ANKFN1: variants seen among roughly 807,000 people sequenced by gnomAD.
The protein encoded by ANKFN1 is ankyrin repeat and fibronectin type III domain containing 1, also known as ankyrin repeat and fibronectin type-III domain-containing protein 1.
ANKFN1 carries 74 observed loss-of-function variants against 108.7 expected under a neutral mutation model. The observed-to-expected ratio is 0.68, with a 90% CI of 0.56 to 0.83. The LOEUF is 0.83. ANKFN1 is among the 40% of genes least tolerant of loss of function. The probability of loss-of-function intolerance (pLI) is 0.00; values close to 1 mark genes in which losing one functional copy is unlikely to be tolerated. For missense variants in ANKFN1, 1,505 were observed against 1,382.3 expected, an observed-to-expected ratio of 1.09 and a Z score of -1.41; for synonymous variants, 547 against 516.2, an observed-to-expected ratio of 1.06 and a Z score of -0.81.
At chr17:56,428,814 A>G (rs2048661190) in intron 8 of ANKFN1, among the ~76,000 whole-genome samples, 1 of 152,026 alleles carries the variant, frequency 6.6e-6, no homozygotes, top group Non-Finnish European at 1.5e-5. Flanking sequence ...GATGAGGTGA[A>G]AAAGATGCTG....
intron 3 of ANKFN1, among the ~76,000 whole-genome samples, chr17:56,247,278 A>G (rs1918028952): frequency 6.6e-6 from 1 of 152,240 alleles, no homozygotes; most frequent in African/African-American, 2.4e-5. Context: ...AATTTGACAC[A>G]GGAAAGGAAA....
At chr17:56,316,397 A>G (rs763635) in intron 3 of ANKFN1, among the ~76,000 whole-genome samples, 99,190 of 151,976 alleles carry the variant, frequency 0.65, 34,018 homozygotes, top group East Asian at 0.94. Flanking sequence ...TTCTTATGGC[A>G]GTAGAAAGCT....
At chr17:56,509,541 T>C (rs2051675201) in intron 20 of ANKFN1, among the ~76,000 whole-genome samples, 1 of 152,246 alleles carries the variant, frequency 6.6e-6, no homozygotes, top group South Asian at 2.1e-4. Flanking sequence ...TATATCGCCA[T>C]GCTTAGCTGC....
intron 8 of ANKFN1, among the ~76,000 whole-genome samples, chr17:56,378,895 A>G (rs2047013666): frequency 6.6e-6 from 1 of 152,198 alleles, no homozygotes; most frequent in African/African-American, 2.4e-5. Flanking sequence ...TAAGGCTTCT[A>G]CATCCTTACT....
At chr17:56,317,845 G>C (rs945062898) in intron 3 of ANKFN1, among the ~76,000 whole-genome samples, 5 of 152,268 alleles carry the variant, frequency 3.3e-5, no homozygotes, top group African/African-American at 1.2e-4. Flanking sequence ...CATTTCTCCA[G>C]CTTGGCAATA....
chr17:56,415,180 C>A (rs2048206658), intron 8 of ANKFN1, among the ~76,000 whole-genome samples: 1 of 152,164 alleles, frequency 6.6e-6, no homozygotes, highest in South Asian at 2.1e-4. Flanking sequence ...CACTGTTATT[C>A]AGCATAGTAC....
At chr17:56,479,944 C>T (rs2050637633) in intron 16 of ANKFN1, among the ~76,000 whole-genome samples, 1 of 152,246 alleles carries the variant, frequency 6.6e-6, no homozygotes, top group Non-Finnish European at 1.5e-5. Flanking sequence ...TCTTTTCAAG[C>T]TCCTTTTGAA....
chr17:56,115,556 T>C (rs947414527), intron 4 of ANKFN1, among the ~76,000 whole-genome samples: 3 of 152,132 alleles, frequency 2.0e-5, no homozygotes, highest in Non-Finnish European at 4.4e-5. Context: ...ACAAAACAGT[T>C]ATAACCATGT....
chr17:56,259,647 T>C (rs1449379949), intron 3 of ANKFN1, among the ~76,000 whole-genome samples: 1 of 152,158 alleles, frequency 6.6e-6, no homozygotes, highest in Non-Finnish European at 1.5e-5. Flanking sequence ...TTCACTGGCA[T>C]CTCGCATCAC....
intron 8 of ANKFN1, among the ~76,000 whole-genome samples, chr17:56,384,432 C>T (rs1462798268): frequency 1.1e-4 from 17 of 152,076 alleles, no homozygotes; most frequent in Admixed American, 1.1e-3. Flanking sequence ...ACAGGGATGC[C>T]CTCTCACCAC....
At chr17:56,233,754 T>C (rs1369942908) in intron 3 of ANKFN1, among the ~76,000 whole-genome samples, 1 of 151,924 alleles carries the variant, frequency 6.6e-6, no homozygotes, top group Non-Finnish European at 1.5e-5. Flanking sequence ...ACCTAATATA[T>C]AAAATATATT....
chr17:56,220,077 A>T (rs969756634), intron 2 of ANKFN1, among the ~76,000 whole-genome samples: 1 of 152,212 alleles, frequency 6.6e-6, no homozygotes, highest in African/African-American at 2.4e-5. Flanking sequence ...TCCGAAGGTG[A>T]TGTGAGAATT....
intron 20 of ANKFN1, among the ~76,000 whole-genome samples, chr17:56,504,585 A>G (rs1290045212): frequency 6.6e-6 from 1 of 152,182 alleles, no homozygotes; most frequent in East Asian, 1.9e-4. Context: ...TGATCTTAAT[A>G]TGTTATTCTC....
rs570565178 is a variant in ANKFN1 at position 56,375,487 on chromosome 17, G to A, written c.910+773G>A. ...AACAGAAAAGGACAGAATGAGGCTC[G>A]AAATTAAGGCTAGGGAGTTTAGACT... On this transcript the variant is annotated intron_variant, in intron 8 of 20. Coordinates refer to ENST00000682825, the MANE Select transcript of ANKFN1 (RefSeq NM_001370326.1). Among the ~76,000 whole-genome samples the A allele has an allele frequency of 7.9e-5, 12 of 152,278 alleles. No individual in the cohort carries two copies. In the East Asian group the frequency reaches 1.5e-3, roughly 20 times the overall value.
chr17:56,344,449 A>G (rs1469667295), intron 4 of ANKFN1, among the ~76,000 whole-genome samples: 1 of 151,882 alleles, frequency 6.6e-6, no homozygotes, highest in Non-Finnish European at 1.5e-5. Flanking sequence ...TGAAAATACC[A>G]CCTTAGTCTT....
chr17:56,492,354 G>A lies in ANKFN1; in HGVS notation c.2427+1G>A. The A allele has an allele frequency of 1.4e-6, 1 of 701,700 alleles. No individual in the cohort carries two copies. Among genetic ancestry groups the A allele is most frequent in the Non-Finnish European group, 2.6e-6 (1 of 383,998 alleles). The allele number at this position is 701,700 out of a possible 1,614,324, so 43.5% of individuals were successfully genotyped here. A position where few individuals can be genotyped will look rare whatever the true frequency, so the allele number is the denominator to read the frequency against. On this transcript the variant is annotated splice_donor_variant, in intron 19 of 20. Coordinates refer to ENST00000682825, the MANE Select transcript of ANKFN1 (RefSeq NM_001370326.1). LOFTEE classifies it high-confidence loss of function. ...CCAGCAAGTTTTAGATTTCATTCAG[G>A]TAATTGTTTGTTCCTTCTGGGGTAA...
intron 8 of ANKFN1, among the ~76,000 whole-genome samples, chr17:56,388,007 T>C (rs2047323903): frequency 6.6e-6 from 1 of 152,154 alleles, no homozygotes; most frequent in African/African-American, 2.4e-5. Context: ...TAATGAAAAA[T>C]AGGCAGTGGT....
rs546350130 is a variant in ANKFN1 at position 56,486,966 on chromosome 17, G to A, written c.2260+4442G>A. ...ATAAATAACTTGCTAACCAGCTATG[G>A]AAACTGCATCTGTGCCTATTCCAGC... On this transcript the variant is annotated intron_variant, in intron 18 of 20. Coordinates refer to ENST00000682825, the MANE Select transcript of ANKFN1 (RefSeq NM_001370326.1). Among the ~76,000 whole-genome samples the A allele has an allele frequency of 1.0e-3, 152 of 152,274 alleles. 1 individual carries two copies. Among genetic ancestry groups the A allele is most frequent in the Non-Finnish European group, 1.8e-3 (124 of 68,032 alleles).
chr17:56,262,096 T>G (rs928435202), intron 3 of ANKFN1, among the ~76,000 whole-genome samples: 2 of 152,156 alleles, frequency 1.3e-5, no homozygotes, highest in Non-Finnish European at 2.9e-5. Context: ...AGAATTCTGA[T>G]ATAATTTTAA....
Sources: allele counts gnomAD v4.1 joint callset (sites outside exome capture counted in the v4.1 genomes callset), GRCh38; gene constraint gnomAD v4.1.1; transcripts MANE v1.5; gene names NCBI Gene and HGNC (gene_info 2026-07-23, HGNC 2026-07-21).